TICRR: variants seen among roughly 807,000 people sequenced by gnomAD.
TICRR encodes treslin.
Under a neutral mutation model 178.1 loss-of-function variants are expected in TICRR, and 132 were observed. That is an observed-to-expected ratio of 0.74 (90% confidence interval 0.64 to 0.86). The LOEUF is 0.86. Ranked by LOEUF, TICRR falls within the 40% of genes least tolerant of loss-of-function variation. The pLI is 0.00. For synonymous variants in TICRR, 991 were observed against 900.7 expected, an observed-to-expected ratio of 1.10 and a Z score of -1.79; for missense variants, 2,587 against 2,334.3, an observed-to-expected ratio of 1.11 and a Z score of -2.23.
intron 2 of TICRR, among the ~76,000 whole-genome samples, chr15:89,583,737 A>C (rs953535035): frequency 2.0e-5 from 3 of 151,932 alleles, no homozygotes; most frequent in African/African-American, 7.3e-5. Flanking sequence ...GTGCAGTGGT[A>C]CGATCATAGC....
chr15:89,627,793 A>C lies in TICRR; in HGVS notation c.*707A>C, dbSNP rs1963562432. 6.6e-6 allele frequency: 1 copy of C among 152,314 alleles called. No individual in the cohort carries two copies. Among genetic ancestry groups the C allele is most frequent in the Non-Finnish European group, 1.5e-5 (1 of 68,290 alleles). The allele number at this position is 152,314 out of a possible 1,614,324, so 9.4% of individuals were successfully genotyped here. The stretch of plus-strand genomic sequence containing the variant: ...ATCGTTTCCACCAAGAGTGCCCCAC[A>C]GGAGTGCCCCACAGACCCGCTGGAC... On this transcript the variant is annotated 3_prime_UTR_variant, in exon 22 of 22. Transcript: ENST00000268138.
At chr15:89,576,821 G>GTGTA (rs1216773233) in intron 1 of TICRR, among the ~76,000 whole-genome samples, 3 of 92,444 alleles carry the variant, frequency 3.2e-5, no homozygotes, top group African/African-American at 7.9e-5. Flanking sequence ...ATGTGTGTGT[G>GTGTA]TATATATATA....
chr15:89,584,262 G>C, intron 2 of TICRR, 24 bp from the exon 3 acceptor site: 2 of 1,567,210 alleles, frequency 1.3e-6, no homozygotes, highest in African/African-American at 2.7e-5. Flanking sequence ...TTGGCATCCT[G>C]GTCTAATTAA....
At chr15:89,584,667 A>G (rs1962790154) in intron 3 of TICRR, 140 bp downstream of exon 3, 1 of 874,374 alleles carries the variant, frequency 1.1e-6, no homozygotes, top group African/African-American at 1.7e-5. Flanking sequence ...TTGACATTAT[A>G]GTATCATGAC....
At chr15:89,617,114 C>T (rs1963347492) in intron 16 of TICRR, among the ~76,000 whole-genome samples, 1 of 152,164 alleles carries the variant, frequency 6.6e-6, no homozygotes, top group South Asian at 2.1e-4. Context: ...GCCAGGCTGC[C>T]TTCTTCTCTC....
At position 89,618,204 on chromosome 15, in the gene TICRR, G is replaced by C; in HGVS notation, c.3013G>C (p.Gly1005Arg). 1 of 1,614,092 alleles carries C rather than the reference G, an allele frequency of 6.2e-7. No homozygotes were observed. The highest frequency in any genetic ancestry group is 8.5e-7 in the Non-Finnish European group (1 of 1,179,968). ...TGTTGTTGAAGAGTCCCCTGAAAAA[G>C]GAGATGGTGAGTGTTATCTCTTTTT... ...IGVVEESPEK[G>R]DEISLRRSPR... The change falls in exon 17 of 22, where the codon GGA (glycine) becomes CGA (arginine). Residue 1005 changes from glycine to arginine, a missense_variant. By Grantham distance (125) the Gly-to-Arg change is moderately radical. Coordinates refer to ENST00000268138, the MANE Select transcript of TICRR (RefSeq NM_152259.4).
intron 1 of TICRR, among the ~76,000 whole-genome samples, chr15:89,578,370 A>G (rs1178264229): frequency 6.6e-6 from 1 of 152,234 alleles, no homozygotes; most frequent in African/African-American, 2.4e-5. Flanking sequence ...AATGCAAAAT[A>G]AGGCAGCAGT....
chr15:89,612,958 CA>C (rs1478864148), intron 15 of TICRR, among the ~76,000 whole-genome samples: 3 of 152,148 alleles, frequency 2.0e-5, no homozygotes, highest in South Asian at 4.1e-4. Flanking sequence ...TTTTAAATAA[CA>C]GGGGGGAACA....
intron 14 of TICRR, among the ~76,000 whole-genome samples, chr15:89,607,196 ATAT>A (rs1963188117): frequency 6.6e-6 from 1 of 152,142 alleles, no homozygotes. Context: ...ACTAGAAAGG[ATAT>A]TACTGAGACA....
chr15:89,619,507 T>G (rs1963389065), intron 17 of TICRR, among the ~76,000 whole-genome samples: 1 of 152,216 alleles, frequency 6.6e-6, no homozygotes, highest in African/African-American at 2.4e-5. Context: ...GGTCAGTGTT[T>G]TTTTAATACC....
rs189266597 is a variant in TICRR at position 89,614,532 on chromosome 15, C to T, written c.2870-1873C>T. ...TTTTTGTAAAGATGTGGTTTCACCACGTTGGCCAGGCTTGTCTTGAACTTC... is the reference window on the plus strand; with the variant it reads ...TTTTTGTAAAGATGTGGTTTCACCATGTTGGCCAGGCTTGTCTTGAACTTC... On this transcript the variant is annotated intron_variant, in intron 15 of 21. Transcript: ENST00000268138. Among the ~76,000 whole-genome samples, 215 of 152,174 alleles carry T rather than the reference C, an allele frequency of 1.4e-3. 1 individual carries two copies. Among genetic ancestry groups the T allele is most frequent in the African/African-American group, 4.6e-3 (189 of 41,522 alleles).
At chr15:89,595,090 C>T (rs1962974517) in intron 6 of TICRR, among the ~76,000 whole-genome samples, 1 of 152,138 alleles carries the variant, frequency 6.6e-6, no homozygotes, top group South Asian at 2.1e-4. Context: ...TTTTTCGTGG[C>T]CATTGGGTAA....
At chr15:89,577,686 G>A (rs1962649826) in intron 1 of TICRR, among the ~76,000 whole-genome samples, 1 of 129,946 alleles carries the variant, frequency 7.7e-6, no homozygotes, top group Non-Finnish European at 1.6e-5. Flanking sequence ...TCGGCTCACT[G>A]CAACCTTCAC....
rs139924434 is a variant in TICRR, at chr15:89,599,575, A to G, written c.2052+100A>G. The G allele has an allele frequency of 2.5e-4, 305 of 1,199,366 alleles. 1 individual carries two copies. In the African/African-American group the frequency reaches 4.0e-3, roughly 16 times the overall value. 74.3% of individuals were successfully genotyped at this position (1,199,366 alleles called of 1,614,324 possible). A position where few individuals can be genotyped will look rare whatever the true frequency, so the allele number is the denominator to read the frequency against. On this transcript the variant is annotated intron_variant, in intron 8 of 21. Coordinates refer to ENST00000268138, the MANE Select transcript of TICRR (RefSeq NM_152259.4). ...TGTCTTGGAAAATGTCTGTTATGTC[A>G]TATGTGATTCAAAAATGGTAAGATA... is the stretch of plus-strand genomic sequence containing the variant.
Position 89,592,151 on chromosome 15 carries a change from A to T in TICRR, c.1516A>T (p.Ser506Cys). Residue 506 changes from serine (S) to cysteine (C), a missense_variant, in exon 5 of 22, where the codon AGT becomes TGT. Coordinates refer to ENST00000268138, the MANE Select transcript of TICRR (RefSeq NM_152259.4). ...TCCTTTCTGTAACATCAGTGGTGCCAGTTCCGATTTGATGGAGTCATTTGG... is the reference window on the plus strand; with the variant it reads ...TCCTTTCTGTAACATCAGTGGTGCCTGTTCCGATTTGATGGAGTCATTTGG... Reference protein sequence around the residue: ...WFPFCNISGASSDLMESFGLL... With the variant: ...WFPFCNISGACSDLMESFGLL... 6.2e-7 allele frequency: 1 copy of T among 1,612,032 alleles called. No homozygotes were observed. The highest frequency in any genetic ancestry group is 8.5e-7 in the Non-Finnish European group (1 of 1,178,264).
chr15:89,611,457 A>C (rs1355348121), intron 15 of TICRR, among the ~76,000 whole-genome samples: 2 of 152,076 alleles, frequency 1.3e-5, no homozygotes, highest in African/African-American at 2.4e-5. Flanking sequence ...CTCAGTGTGA[A>C]TCTCTTAGAG....
Position 89,624,187 on chromosome 15 carries a change from A to G in TICRR, c.3877A>G (p.Lys1293Glu). The change falls in exon 20 of 22, where the codon AAA (lysine) becomes GAA (glutamate). Residue 1293 changes from lysine to glutamate, a missense_variant. Physicochemically the swap from Lys to Glu is moderately conservative, Grantham distance 56. Coordinates refer to ENST00000268138, the MANE Select transcript of TICRR (RefSeq NM_152259.4). Reference sequence around the variant, plus strand: ...AAAGGATAAAGCTATCAAAACTCCAAAAAGACCAGGGAATTCAACTGTGAC... The same window carrying G: ...AAAGGATAAAGCTATCAAAACTCCAGAAAGACCAGGGAATTCAACTGTGAC... ...KLKDKAIKTP[K>E]RPGNSTVTSS... 2 of 1,614,138 alleles carry G rather than the reference A, an allele frequency of 1.2e-6. No homozygotes were observed. The highest frequency in any genetic ancestry group is 1.7e-6 in the Non-Finnish European group (2 of 1,180,042).
chr15:89,596,319 T>C (rs1216044814), intron 7 of TICRR, among the ~76,000 whole-genome samples: 2 of 152,154 alleles, frequency 1.3e-5, no homozygotes, highest in East Asian at 3.9e-4. Context: ...AATCTTGCTA[T>C]AGAGTTTTCT....
intron 7 of TICRR, 32 bp downstream of exon 7, chr15:89,595,643 A>G (rs760042413): frequency 3.3e-6 from 5 of 1,527,760 alleles, no homozygotes; most frequent in East Asian, 2.3e-5. Flanking sequence ...TTACTCTTTT[A>G]TACCCCGCTT....
Sources: gnomAD v4.1 joint callset for allele counts (sites outside exome capture counted in the v4.1 genomes callset) on GRCh38, gnomAD v4.1.1 for gene constraint, MANE v1.5 for transcripts, NCBI Gene and HGNC (gene_info 2026-07-23, HGNC 2026-07-21) for gene names.